The following LRP1B variants were observed in gnomAD, a reference collection of about 807,000 sequenced individuals.
The protein encoded by LRP1B is LDL receptor related protein 1B.
LRP1B carries 217 observed loss-of-function variants against 556.6 expected under a neutral mutation model. The observed-to-expected ratio is 0.39, with a 90% CI of 0.35 to 0.44. The LOEUF is 0.44. Among genes scored for constraint, LRP1B ranks in the 20% least tolerant of loss-of-function variants. The pLI is 1.00. For missense variants in LRP1B, 5,053 were observed against 5,620.8 expected, an observed-to-expected ratio of 0.90 and a Z score of 3.23; for synonymous variants, 2,047 against 1,865.8, an observed-to-expected ratio of 1.10 and a Z score of -2.50.
At chr2:140,341,658 T>C (rs1681397188) in intron 77 of LRP1B, among the ~76,000 whole-genome samples, 1 of 151,500 alleles carries the variant, frequency 6.6e-6, no homozygotes, top group Admixed American at 6.6e-5. Context: ...TAGCGAAATA[T>C]GGCCTATGTA....
chr2:140,487,595 C>T (rs2105366491), intron 58 of LRP1B, 22 bp downstream of exon 58: 3 of 1,586,084 alleles, frequency 1.9e-6, no homozygotes, highest in Non-Finnish European at 2.6e-6. Context: ...TCAACAATCC[C>T]ATCATTGTAA....
intron 6 of LRP1B, among the ~76,000 whole-genome samples, chr2:141,197,070 T>C (rs1243530448): frequency 2.0e-5 from 3 of 152,150 alleles, no homozygotes; most frequent in African/African-American, 7.2e-5. Context: ...TCTACAATGA[T>C]TGTGAGGCCT....
chr2:141,391,078 AG>A (rs1559045009), intron 3 of LRP1B, among the ~76,000 whole-genome samples: 1 of 152,162 alleles, frequency 6.6e-6, no homozygotes, highest in Non-Finnish European at 1.5e-5. Flanking sequence ...AGGGCGGTTG[AG>A]GGGAGGGAAT....
intron 43 of LRP1B, among the ~76,000 whole-genome samples, chr2:140,584,387 C>CATATATAT (rs35137673): frequency 6.7e-6 from 1 of 149,878 alleles, no homozygotes; most frequent in African/African-American, 2.5e-5. Flanking sequence ...GAAATGTGCT[C>CATATATAT]ATATATATAT....
intron 1 of LRP1B, among the ~76,000 whole-genome samples, chr2:141,905,698 G>A (rs1699734628): frequency 6.6e-6 from 1 of 151,194 alleles, no homozygotes; most frequent in Admixed American, 6.6e-5. Context: ...GCTTCCATGT[G>A]TGAGAATCAA....
At chr2:141,509,795 T>G (rs888537728) in intron 2 of LRP1B, among the ~76,000 whole-genome samples, 1 of 152,316 alleles carries the variant, frequency 6.6e-6, no homozygotes, top group Non-Finnish European at 1.5e-5. Context: ...TTCTTTATAT[T>G]CATTCTTATA....
intron 3 of LRP1B, among the ~76,000 whole-genome samples, chr2:141,364,270 AACACAC>A (rs35479321): frequency 0.011 from 1,687 of 148,720 alleles, 31 homozygotes; most frequent in African/African-American, 0.04. Flanking sequence ...TGGAGGAAAT[AACACAC>A]ACACACACAC....
rs564500670 is a variant in LRP1B at position 140,423,602 on chromosome 2, C to T, written c.10414+18902G>A. Among the ~76,000 whole-genome samples, 5 of 151,604 alleles carry T rather than the reference C, an allele frequency of 3.3e-5. No individual in the cohort carries two copies. In the East Asian group the frequency reaches 9.7e-4, roughly 29 times the overall value. The stretch of plus-strand genomic sequence containing the variant: ...AATTGATTATCTCTACTAATAGATC[C>T]CCAGTATTATTTACTCTTTGCTTAT... On this transcript the variant is annotated intron_variant, in intron 66 of 90. Transcript: ENST00000389484.
chr2:141,078,107 T>C (rs1044119578), intron 7 of LRP1B, among the ~76,000 whole-genome samples: 5 of 152,122 alleles, frequency 3.3e-5, no homozygotes, highest in African/African-American at 9.6e-5. Flanking sequence ...TTGAGGCAAA[T>C]GGTAACTGGA....
chr2:141,638,534 AG>A (rs1373087944), intron 2 of LRP1B, among the ~76,000 whole-genome samples: 1 of 123,578 alleles, frequency 8.1e-6, no homozygotes, highest in Non-Finnish European at 1.9e-5. Flanking sequence ...AGGCCACAAA[AG>A]AAAGTTACCA....
chr2:141,011,557 C>T (rs1320781361), intron 14 of LRP1B, among the ~76,000 whole-genome samples: 1 of 152,004 alleles, frequency 6.6e-6, no homozygotes, highest in Non-Finnish European at 1.5e-5. Context: ...TTCTTAGCTA[C>T]ATGAAGAAGT....
At chr2:142,042,223 A>C (rs1390372888) in intron 1 of LRP1B, among the ~76,000 whole-genome samples, 1 of 151,392 alleles carries the variant, frequency 6.6e-6, no homozygotes, top group African/African-American at 2.4e-5. Context: ...AGTAATCTAC[A>C]TTCAGTGGCA....
chr2:141,805,897 GC>G (rs1441785745), intron 2 of LRP1B: 1 of 152,022 alleles, frequency 6.6e-6, no homozygotes, highest in Non-Finnish European at 1.5e-5. Flanking sequence ...TGCAAATATT[GC>G]TTAGGACATT....
intron 3 of LRP1B, among the ~76,000 whole-genome samples, chr2:141,349,289 A>AAC (rs906244835): frequency 2.0e-5 from 3 of 151,992 alleles, no homozygotes; most frequent in East Asian, 3.9e-4. Flanking sequence ...GTGAAACATG[A>AAC]ACACACACAC....
At chr2:141,219,028 T>A (rs1339950169) in intron 6 of LRP1B, among the ~76,000 whole-genome samples, 2 of 152,200 alleles carry the variant, frequency 1.3e-5, no homozygotes, top group Admixed American at 6.5e-5. Context: ...AGTGAGTAAC[T>A]GTGCTGCCCT....
intron 6 of LRP1B, among the ~76,000 whole-genome samples, chr2:141,214,986 T>G (rs1046793280): frequency 6.6e-6 from 1 of 152,232 alleles, no homozygotes; most frequent in Non-Finnish European, 1.5e-5. Context: ...AAATGGGATA[T>G]AGAGCTTATA....
intron 41 of LRP1B, among the ~76,000 whole-genome samples, chr2:140,654,883 C>T (rs1433012386): frequency 6.6e-6 from 1 of 152,178 alleles, no homozygotes; most frequent in Non-Finnish European, 1.5e-5. Context: ...ATGTGAAATA[C>T]TGCTGCCACA....
intron 2 of LRP1B, among the ~76,000 whole-genome samples, chr2:141,493,671 G>A (rs1242288995): frequency 6.6e-6 from 1 of 152,142 alleles, no homozygotes. Context: ...CTGTGTCTGA[G>A]CCAGCAGGAG....
intron 18 of LRP1B, among the ~76,000 whole-genome samples, chr2:140,976,600 C>T (rs185278237): frequency 7.3e-5 from 11 of 149,778 alleles, no homozygotes; most frequent in Admixed American, 2.7e-4. Context: ...CTCCACCTCC[C>T]GGGTTCAAGC....
Sources: gnomAD v4.1 joint callset for allele counts (sites outside exome capture counted in the v4.1 genomes callset) on GRCh38, gnomAD v4.1.1 for gene constraint, MANE v1.5 for transcripts, NCBI Gene and HGNC (gene_info 2026-07-23, HGNC 2026-07-21) for gene names.